XDH: variants seen among roughly 807,000 people sequenced by gnomAD.
XDH encodes xanthine dehydrogenase, also known as xanthine dehydrogenase/oxidase.
In XDH, 138 loss-of-function variants were observed where a neutral mutation model predicts 156.1. That is an observed-to-expected ratio of 0.88 (90% CI 0.77 to 1.02). The LOEUF (loss-of-function observed/expected upper bound fraction) is 1.02. XDH is among the 50% of genes least tolerant of loss of function. The probability of loss-of-function intolerance (pLI) is 0.00; values close to 1 mark genes in which losing one functional copy is unlikely to be tolerated. For missense variants in XDH, 1,849 were observed against 1,684.9 expected (o/e 1.10, Z -1.71); for synonymous variants, 669 against 625.7 (o/e 1.07, Z -1.03).
At chr2:31,343,235 G>T (rs1685171451) in intron 31 of XDH, among the ~76,000 whole-genome samples, 1 of 143,204 alleles carries the variant, frequency 7.0e-6, no homozygotes, top group Non-Finnish European at 1.5e-5. Flanking sequence ...TTATGTATGT[G>T]TAGGTCAGAT....
intron 2 of XDH, among the ~76,000 whole-genome samples, chr2:31,405,696 C>T (rs558951686): frequency 6.6e-6 from 1 of 152,230 alleles, no homozygotes; most frequent in South Asian, 2.1e-4. Flanking sequence ...GGAGACACCT[C>T]GAAGATCACC....
chr2:31,367,394 G>C (rs1434224154), intron 20 of XDH, among the ~76,000 whole-genome samples: 5 of 152,222 alleles, frequency 3.3e-5, no homozygotes, highest in Non-Finnish European at 4.4e-5. Flanking sequence ...GCCTGGTGGA[G>C]AGTCGGCTTC....
intron 28 of XDH, among the ~76,000 whole-genome samples, chr2:31,347,979 T>A (rs1185737938): frequency 6.6e-6 from 1 of 151,906 alleles, no homozygotes; most frequent in Non-Finnish European, 1.5e-5. Flanking sequence ...CTCCGAGGAG[T>A]CTTGGAATGT....
chr2:31,391,580 G>C (rs996305708), intron 6 of XDH, among the ~76,000 whole-genome samples: 1 of 152,212 alleles, frequency 6.6e-6, no homozygotes, highest in Non-Finnish European at 1.5e-5. Flanking sequence ...TGAGTCTACA[G>C]TTGGGAACAA....
intron 9 of XDH, 102 bp from the exon 10 acceptor site, chr2:31,383,949 C>G (rs1037526659): frequency 2.9e-6 from 3 of 1,017,104 alleles, no homozygotes; most frequent in Non-Finnish European, 4.5e-6. Flanking sequence ...TATGACATAT[C>G]CACAATCATA....
chr2:31,365,926 CTTA>C, intron 22 of XDH, 47 bp downstream of exon 22: 1 of 1,613,820 alleles, frequency 6.2e-7, no homozygotes, highest in Non-Finnish European at 8.5e-7. Flanking sequence ...CACAGACAGC[CTTA>C]TTCTTCTTCC....
At chr2:31,379,354 C>T (rs1294961655) in intron 13 of XDH, among the ~76,000 whole-genome samples, 2 of 152,228 alleles carry the variant, frequency 1.3e-5, no homozygotes, top group East Asian at 1.9e-4. Context: ...GTCTGAGCCA[C>T]AGGCAGCTTC....
intron 1 of XDH, among the ~76,000 whole-genome samples, chr2:31,413,108 G>A (rs1397426325): frequency 6.6e-6 from 1 of 152,186 alleles, no homozygotes; most frequent in Non-Finnish European, 1.5e-5. Context: ...TACTTTTACA[G>A]GTTAACCAAT....
chr2:31,369,463 C>T (rs957088640), intron 18 of XDH, among the ~76,000 whole-genome samples: 4 of 152,178 alleles, frequency 2.6e-5, no homozygotes, highest in Non-Finnish European at 1.5e-5. Flanking sequence ...TTGTACAACA[C>T]ATCACTTTAG....
At chr2:31,371,870 G>T (rs980046428) in intron 17 of XDH, among the ~76,000 whole-genome samples, 2 of 152,104 alleles carry the variant, frequency 1.3e-5, no homozygotes, top group African/African-American at 2.4e-5. Flanking sequence ...TGCTCAGCAG[G>T]GTATGTGTCT....
chr2:31,402,056 T>G (rs1291053915), intron 3 of XDH, among the ~76,000 whole-genome samples: 1 of 152,198 alleles, frequency 6.6e-6, no homozygotes, highest in Non-Finnish European at 1.5e-5. Flanking sequence ...AGACCAGGCC[T>G]GAAGACTCAG....
chr2:31,390,049 G>C (rs529520381), intron 6 of XDH, among the ~76,000 whole-genome samples: 7 of 152,134 alleles, frequency 4.6e-5, no homozygotes, highest in Non-Finnish European at 7.4e-5. Context: ...TTACATGAAG[G>C]TTCACTCTTG....
At chr2:31,404,316 T>G (rs1244328323) in intron 2 of XDH, among the ~76,000 whole-genome samples, 1 of 152,168 alleles carries the variant, frequency 6.6e-6, no homozygotes, top group Non-Finnish European at 1.5e-5. Flanking sequence ...AGACGAATGG[T>G]GGCACCTGAA....
intron 24 of XDH, among the ~76,000 whole-genome samples, chr2:31,360,334 CT>C (rs1685744683): frequency 6.6e-6 from 1 of 152,060 alleles, no homozygotes; most frequent in South Asian, 2.1e-4. Context: ...CCCGTCTCTA[CT>C]AAAAATGCAA....
chr2:31,376,501 A>G (rs1293523881), intron 14 of XDH, among the ~76,000 whole-genome samples: 1 of 149,394 alleles, frequency 6.7e-6, no homozygotes, highest in Non-Finnish European at 1.5e-5. Flanking sequence ...TAGAAGCAGT[A>G]ATGTTATTAG....
At chr2:31,372,168 G>A in intron 17 of XDH, 60 bp downstream of exon 17, 10 of 1,612,858 alleles carry the variant, frequency 6.2e-6, no homozygotes, top group Non-Finnish European at 8.5e-6. Context: ...GAAGTCTCCT[G>A]GGTACTCCCA....
intron 4 of XDH, 147 bp downstream of exon 4, chr2:31,401,073 G>C: frequency 1.2e-6 from 1 of 844,398 alleles, no homozygotes; most frequent in South Asian, 1.5e-5. Context: ...CAGAGGAGAT[G>C]GGGAGGTGGC....
At chr2:31,355,889 A>G (rs1286256527) in intron 24 of XDH, among the ~76,000 whole-genome samples, 3 of 152,214 alleles carry the variant, frequency 2.0e-5, no homozygotes, top group Non-Finnish European at 4.4e-5. Context: ...CACTTCAAAT[A>G]TAATAATGTA....
intron 34 of XDH, 132 bp downstream of exon 34, chr2:31,339,357 T>A: frequency 7.8e-7 from 1 of 1,285,136 alleles, no homozygotes. Flanking sequence ...AAGGTCAGTG[T>A]CAAACCATCT....
Sources: allele counts gnomAD v4.1 joint callset (sites outside exome capture counted in the v4.1 genomes callset), GRCh38; gene constraint gnomAD v4.1.1; transcripts MANE v1.5; gene names NCBI Gene and HGNC (gene_info 2026-07-23, HGNC 2026-07-21).